Variants in SLC25A30 observed in about 807,000 individuals in gnomAD.
SLC25A30 encodes the protein solute carrier family 25 member 30.
SLC25A30 carries 29 observed loss-of-function variants against 42.7 expected under a neutral mutation model. The observed-to-expected ratio is 0.68, with a 90% CI of 0.51 to 0.93. SLC25A30 has a LOEUF of 0.93. Among genes scored for constraint, SLC25A30 ranks in the 40% least tolerant of loss-of-function variants. The pLI, the probability that SLC25A30 is intolerant of heterozygous loss-of-function variation, is 0.00. For missense variants in SLC25A30, 300 were observed against 359.7 expected (o/e 0.83, Z 1.34); for synonymous variants, 124 against 131.0 (o/e 0.95, Z 0.37).
Position 45,394,248 on chromosome 13 carries a change from G to GCCC in SLC25A30, c.*1723_*1725dup. ...AGGTAACCCTACCCCACTGCACCCC[G>GCCC]CCCCCGCCCCCACCTTCTGTTATCC... is the stretch of plus-strand genomic sequence containing the variant. On this transcript the variant is annotated 3_prime_UTR_variant, in exon 10 of 10. Coordinates refer to ENST00000519676, the MANE Select transcript of SLC25A30 (RefSeq NM_001010875.4). 6.1e-6 allele frequency: 4 copies of GCCC among 651,592 alleles called. No individual in the cohort carries two copies. Among genetic ancestry groups the GCCC allele is most frequent in the Non-Finnish European group, 7.1e-6 (4 of 566,602 alleles). The allele number at this position is 651,592 out of a possible 1,614,324, so 40.4% of individuals were successfully genotyped here.
chr13:45,431,134 G>T, the SLC25A30 span, among the ~76,000 whole-genome samples: 2 of 152,060 alleles, frequency 1.3e-5, no homozygotes, highest in Middle Eastern at 3.2e-3. Context: ...CGCAACCTCT[G>T]CCTCCAGGAT....
chr13:45,424,624 T>TAA, the SLC25A30 span, among the ~76,000 whole-genome samples: 2 of 74,276 alleles, frequency 2.7e-5, no homozygotes, highest in African/African-American at 1.0e-4. Context: ...TATAAATATA[T>TAA]ATAAATATGT....
At chr13:45,423,818 A>G in the SLC25A30 span, among the ~76,000 whole-genome samples, 76 of 81,410 alleles carry the variant, frequency 9.3e-4, no homozygotes, top group African/African-American at 2.3e-3. Context: ...ATATAAAAAT[A>G]TAAATATATA....
At chr13:45,424,461 A>G in the SLC25A30 span, among the ~76,000 whole-genome samples, 4 of 78,768 alleles carry the variant, frequency 5.1e-5, 1 homozygote, top group South Asian at 4.4e-4. Context: ...ATATAAACAT[A>G]TAAAAATATA....
At chr13:45,424,851 AAT>A in the SLC25A30 span, among the ~76,000 whole-genome samples, 37 of 44,834 alleles carry the variant, frequency 8.3e-4, 5 homozygotes, top group East Asian at 9.2e-3. Context: ...AATATATATA[AAT>A]ATATATATAA....
chr13:45,425,510 A>G, the SLC25A30 span, among the ~76,000 whole-genome samples: 2 of 111,982 alleles, frequency 1.8e-5, no homozygotes, highest in South Asian at 2.4e-4. Context: ...ATAGAAATAT[A>G]TATAAGCATA....
intron 2 of SLC25A30, among the ~76,000 whole-genome samples, chr13:45,410,785 C>T (rs562167454): frequency 6.6e-6 from 1 of 152,188 alleles, no homozygotes; most frequent in South Asian, 2.1e-4. Context: ...GCACTCCAGC[C>T]TCAGCAACAG....
rs985645661 is a variant in SLC25A30 at position 45,394,156 on chromosome 13, G to A, written c.*1818C>T. On this transcript the variant is annotated 3_prime_UTR_variant, in exon 10 of 10. Transcript: ENST00000519676. ...GCAGCAAGGCCTGAATGAGCTCTGG[G>A]GTCCTCTGCTGCCCTCTAGGGTTGC... The A allele has an allele frequency of 3.0e-5, 30 of 985,192 alleles. No homozygotes were observed. Among genetic ancestry groups the A allele is most frequent in the Non-Finnish European group, 3.3e-5 (27 of 829,926 alleles). 61.0% of individuals were successfully genotyped at this position (985,192 alleles called of 1,614,324 possible). A position where few individuals can be genotyped will look rare whatever the true frequency, so the allele number is the denominator to read the frequency against.
At chr13:45,423,848 A>C in the SLC25A30 span, among the ~76,000 whole-genome samples, 58 of 73,544 alleles carry the variant, frequency 7.9e-4, 2 homozygotes, top group Admixed American at 1.0e-3. Flanking sequence ...ATAAATATGT[A>C]AATATATATA....
intron 7 of SLC25A30, among the ~76,000 whole-genome samples, chr13:45,400,501 C>T (rs1881866123): frequency 1.3e-5 from 2 of 152,054 alleles, no homozygotes; most frequent in South Asian, 2.1e-4. Flanking sequence ...GTTGTTAAAT[C>T]GCATTTTATT....
At chr13:45,416,253 C>T (rs1332034640) in intron 1 of SLC25A30, among the ~76,000 whole-genome samples, 6 of 151,324 alleles carry the variant, frequency 4.0e-5, no homozygotes, top group Non-Finnish European at 7.4e-5. Flanking sequence ...ATTAAAAATA[C>T]AAAAATTAGC....
chr13:45,406,246 C>T (rs527538437), intron 3 of SLC25A30, among the ~76,000 whole-genome samples: 47 of 152,252 alleles, frequency 3.1e-4, no homozygotes, highest in African/African-American at 1.1e-3. Flanking sequence ...CCACACCTGG[C>T]TAATTTTTGT....
At chr13:45,405,463 A>G (rs1337994169) in intron 4 of SLC25A30, among the ~76,000 whole-genome samples, 1 of 152,210 alleles carries the variant, frequency 6.6e-6, no homozygotes, top group Non-Finnish European at 1.5e-5. Flanking sequence ...ATGAAGATGG[A>G]CAGTTCTATG....
chr13:45,424,496 A>AAAAT, the SLC25A30 span, among the ~76,000 whole-genome samples: 5 of 65,302 alleles, frequency 7.7e-5, no homozygotes, highest in African/African-American at 3.0e-4. Flanking sequence ...TAAATATATA[A>AAAAT]ATATATAAAA....
Position 45,395,674 on chromosome 13 carries a change from T to G in SLC25A30, c.*300A>C, listed in dbSNP as rs1194797795. 3 of 1,283,034 alleles carry G rather than the reference T, an allele frequency of 2.3e-6. No homozygotes were observed. Among genetic ancestry groups the G allele is most frequent in the Non-Finnish European group, 3.0e-6 (3 of 1,004,280 alleles). 79.5% of individuals were successfully genotyped at this position (1,283,034 alleles called of 1,614,324 possible). On this transcript the variant is annotated 3_prime_UTR_variant, in exon 10 of 10. Transcript: ENST00000519676. The stretch of plus-strand genomic sequence containing the variant: ...CTCCCTGAATAAAACAATACATCGC[T>G]CCTGATTTTCTTGCAAGTTTTCTTT...
the SLC25A30 span, among the ~76,000 whole-genome samples, chr13:45,423,669 A>AATATATATAAAATATATATAAAAAT: frequency 4.1e-5 from 1 of 24,328 alleles, no homozygotes; most frequent in Non-Finnish European, 6.9e-5. Context: ...ATATATATAA[A>AATATATATAAAATATATATAAAAAT]ATACATATTT....
At chr13:45,425,143 TATAA>T in the SLC25A30 span, among the ~76,000 whole-genome samples, 1 of 93,884 alleles carries the variant, frequency 1.1e-5, no homozygotes, top group Non-Finnish European at 1.9e-5. Context: ...TATAAATATA[TATAA>T]ATATATTGAT....
upstream of SLC25A30, among the ~76,000 whole-genome samples, chr13:45,422,884 A>C (rs1240128913): frequency 1.3e-5 from 2 of 152,032 alleles, no homozygotes; most frequent in Admixed American, 1.3e-4. Flanking sequence ...AGCCCTTCTC[A>C]TCCATCAGGC....
chr13:45,417,954 C>T (rs371624532), intron 1 of SLC25A30, among the ~76,000 whole-genome samples: 45 of 152,314 alleles, frequency 3.0e-4, no homozygotes, highest in African/African-American at 1.1e-3. Context: ...GTTGCAAGCC[C>T]GGGGCTCGTT....
Sources: gnomAD v4.1 joint callset for allele counts (sites outside exome capture counted in the v4.1 genomes callset) on GRCh38, gnomAD v4.1.1 for gene constraint, MANE v1.5 for transcripts, NCBI Gene and HGNC (gene_info 2026-07-23, HGNC 2026-07-21) for gene names.